The following PHF21A variants were observed in gnomAD, a reference collection of about 807,000 sequenced individuals.
PHF21A encodes PHD finger protein 21A.
In PHF21A, 11 loss-of-function variants were observed where a neutral mutation model predicts 82.5. The observed-to-expected ratio is 0.13, with a 90% confidence interval of 0.08 to 0.22. The LOEUF (loss-of-function observed/expected upper bound fraction) is 0.22. Among genes scored for constraint, PHF21A ranks in the 10% least tolerant of loss-of-function variants. PHF21A has a pLI of 1.00. For synonymous variants in PHF21A, 297 were observed against 302.8 expected (o/e 0.98, Z 0.20); for missense variants, 579 against 837.8 (o/e 0.69, Z 3.81).
chr11:46,016,299 A>AAATTTCCC (rs2095516692), intron 6 of PHF21A, among the ~76,000 whole-genome samples: 1 of 152,190 alleles, frequency 6.6e-6, no homozygotes, highest in African/African-American at 2.4e-5. Flanking sequence ...TCATGACTCA[A>AAATTTCCC]AATTTCCCAG....
At chr11:46,056,843 T>TC (rs1161958802) in intron 6 of PHF21A, among the ~76,000 whole-genome samples, 1 of 152,084 alleles carries the variant, frequency 6.6e-6, no homozygotes, top group Admixed American at 6.6e-5. Flanking sequence ...ACTCATGCTG[T>TC]CCTCCTCCCC....
chr11:46,029,369 A>G (rs1187660284), intron 6 of PHF21A, among the ~76,000 whole-genome samples: 2 of 152,162 alleles, frequency 1.3e-5, no homozygotes, highest in South Asian at 4.1e-4. Flanking sequence ...TTTATTCTAT[A>G]TTCCCTTTGA....
At chr11:45,967,246 T>A (rs2093492018) in intron 9 of PHF21A, among the ~76,000 whole-genome samples, 1 of 152,010 alleles carries the variant, frequency 6.6e-6, no homozygotes, top group Non-Finnish European at 1.5e-5. Flanking sequence ...CACACACTTG[T>A]AATCCCAGCT....
chr11:46,042,781 G>A (rs541893128), intron 6 of PHF21A, among the ~76,000 whole-genome samples: 1 of 152,000 alleles, frequency 6.6e-6, no homozygotes, highest in African/African-American at 2.4e-5. Context: ...TTCTGCCATA[G>A]ATAGCACCTT....
intron 12 of PHF21A, among the ~76,000 whole-genome samples, chr11:45,949,834 A>AGG (rs2091868369): frequency 6.6e-6 from 1 of 152,254 alleles, no homozygotes; most frequent in African/African-American, 2.4e-5. Context: ...CTTGAATTAA[A>AGG]TAATCAGGAC....
chr11:46,034,811 A>T (rs921692302), intron 6 of PHF21A, among the ~76,000 whole-genome samples: 1 of 152,158 alleles, frequency 6.6e-6, no homozygotes, highest in African/African-American at 2.4e-5. Context: ...GGATATAGTG[A>T]TTGGTCTGAG....
chr11:45,953,554 G>C lies in PHF21A; in HGVS notation c.1068C>G (p.Pro356=), dbSNP rs747272820. ...GAGGGTTCTCCTCCCGTTTTGGTTTGGGTGCAGCAGGTGGGGTGATGGTGC... is the reference window on the plus strand; with the variant it reads ...GAGGGTTCTCCTCCCGTTTTGGTTTCGGTGCAGCAGGTGGGGTGATGGTGC... ...ESRTITPPAA[P]KPKREENPQK... The change falls in exon 11 of 19, where the codon CCC becomes CCG. Residue 356 remains proline (P), a synonymous_variant. Coordinates refer to ENST00000676320, the MANE Select transcript of PHF21A (RefSeq NM_001352027.3). The C allele has an allele frequency of 6.8e-6, 11 of 1,613,672 alleles. No homozygotes were observed. Among genetic ancestry groups the C allele is most frequent in the Non-Finnish European group, 9.3e-6 (11 of 1,179,606 alleles).
chr11:46,081,533 A>G (rs1170021890), intron 4 of PHF21A, among the ~76,000 whole-genome samples: 1 of 152,222 alleles, frequency 6.6e-6, no homozygotes, highest in East Asian at 1.9e-4. Context: ...CTTCACCTCT[A>G]GAGGAAATAA....
intron 6 of PHF21A, among the ~76,000 whole-genome samples, chr11:46,052,352 G>C (rs768416356): frequency 5.9e-5 from 9 of 152,128 alleles, no homozygotes; most frequent in Non-Finnish European, 1.2e-4. Context: ...CCTGAAAGCA[G>C]CTATATCCCT....
At position 45,935,463 on chromosome 11, in the gene PHF21A, T is replaced by C. The variant is rs2088700509; in HGVS notation, c.1788+173A>G. ...GCACCACCTACCAACTGGCCGCCTGTACCTGAGGTCTGAACTCTAACTGGA... is the reference window on the plus strand; with the variant it reads ...GCACCACCTACCAACTGGCCGCCTGCACCTGAGGTCTGAACTCTAACTGGA... On this transcript the variant is annotated intron_variant, in intron 18 of 18. Transcript: ENST00000676320. The C allele has an allele frequency of 4.7e-6, 3 of 642,614 alleles. No individual in the cohort carries two copies. The South Asian group carries it at 5.6e-5, about 12-fold the overall frequency. The allele number at this position is 642,614 out of a possible 1,614,324, so 39.8% of individuals were successfully genotyped here.
At chr11:45,937,088 AG>A (rs2089259232) in intron 16 of PHF21A, among the ~76,000 whole-genome samples, 1 of 152,228 alleles carries the variant, frequency 6.6e-6, no homozygotes, top group Admixed American at 6.5e-5. Context: ...CAGCATCAGG[AG>A]GAGGACACTG....
At chr11:46,058,680 T>C (rs1156867105) in intron 6 of PHF21A, among the ~76,000 whole-genome samples, 1 of 152,240 alleles carries the variant, frequency 6.6e-6, no homozygotes, top group Non-Finnish European at 1.5e-5. Context: ...GCTATCTGCC[T>C]ACCTCAGAAC....
chr11:46,048,045 TTTA>T (rs1386133957), intron 6 of PHF21A, among the ~76,000 whole-genome samples: 1 of 152,170 alleles, frequency 6.6e-6, no homozygotes, highest in East Asian at 1.9e-4. Flanking sequence ...TTCAATGGCT[TTTA>T]ACATATTCAC....
chr11:46,108,788 T>C (rs1593344524), intron 1 of PHF21A, among the ~76,000 whole-genome samples: 1 of 152,134 alleles, frequency 6.6e-6, no homozygotes, highest in Non-Finnish European at 1.5e-5. Context: ...ATAGTGAATG[T>C]AAACCATTTG....
intron 7 of PHF21A, among the ~76,000 whole-genome samples, chr11:45,976,540 A>C (rs1229247668): frequency 6.6e-5 from 10 of 152,208 alleles, no homozygotes; most frequent in African/African-American, 2.4e-4. Context: ...GATTGGTAGT[A>C]CCAATAAATA....
chr11:46,119,861 G>A (rs931382252), intron 1 of PHF21A: 2 of 149,144 alleles, frequency 1.3e-5, no homozygotes, highest in African/African-American at 2.4e-5. Flanking sequence ...AACGGAAAGA[G>A]TCCCACTCCG....
chr11:46,005,877 G>A (rs1421585752), intron 6 of PHF21A, among the ~76,000 whole-genome samples: 1 of 152,098 alleles, frequency 6.6e-6, no homozygotes. Context: ...TTTTTTGCAT[G>A]TGAATCGTAT....
intron 6 of PHF21A, among the ~76,000 whole-genome samples, chr11:46,002,155 T>C (rs1292347858): frequency 6.6e-6 from 1 of 152,230 alleles, no homozygotes; most frequent in Non-Finnish European, 1.5e-5. Context: ...AAATTACTAC[T>C]TCACTTAATG....
chr11:46,034,840 GGCA>G (rs1391146394), intron 6 of PHF21A, among the ~76,000 whole-genome samples: 1 of 152,106 alleles, frequency 6.6e-6, no homozygotes, highest in Non-Finnish European at 1.5e-5. Flanking sequence ...GGGGATAGTG[GGCA>G]TGTGACCCTG....
Sources: gnomAD v4.1 joint callset for allele counts (sites outside exome capture counted in the v4.1 genomes callset) on GRCh38, gnomAD v4.1.1 for gene constraint, MANE v1.5 for transcripts, NCBI Gene and HGNC (gene_info 2026-07-23, HGNC 2026-07-21) for gene names.